Variants in EYS observed in about 807,000 individuals in gnomAD.
EYS encodes the protein protein eyes shut homolog.
A neutral mutation model predicts 282.1 loss-of-function variants in EYS; 250 were observed. That is an observed-to-expected ratio of 0.89 (90% CI 0.80 to 0.98). The LOEUF (loss-of-function observed/expected upper bound fraction) is 0.98. Among genes scored for constraint, EYS ranks in the 50% least tolerant of loss-of-function variants. The probability of loss-of-function intolerance (pLI) is 0.00; values close to 1 mark genes in which losing one functional copy is unlikely to be tolerated. For synonymous variants in EYS, 1,355 were observed against 1,282.9 expected, an observed-to-expected ratio of 1.06 and a Z score of -1.20; for missense variants, 4,016 against 3,709.0, an observed-to-expected ratio of 1.08 and a Z score of -2.15.
chr6:64,335,373 C>T (rs1020425274), intron 29 of EYS, among the ~76,000 whole-genome samples: 1 of 151,792 alleles, frequency 6.6e-6, no homozygotes, highest in Admixed American at 6.6e-5. Flanking sequence ...ACAGGCCCAG[C>T]GAGTTTCTGC....
At chr6:64,807,099 C>T (rs1764453672) in intron 22 of EYS, among the ~76,000 whole-genome samples, 1 of 152,056 alleles carries the variant, frequency 6.6e-6, no homozygotes, top group Admixed American at 6.6e-5. Context: ...TTTCTGAAAG[C>T]AGTCATTATT....
chr6:65,306,662 A>T (rs1769013088), intron 11 of EYS, among the ~76,000 whole-genome samples: 1 of 141,702 alleles, frequency 7.1e-6, no homozygotes. Flanking sequence ...ATGTAGGATA[A>T]AAAAAAAAAG....
intron 26 of EYS, among the ~76,000 whole-genome samples, chr6:64,466,430 A>T (rs1171432689): frequency 6.6e-6 from 1 of 152,188 alleles, no homozygotes; most frequent in Non-Finnish European, 1.5e-5. Context: ...TAAAAAAGGA[A>T]GAACCCCTGT....
chr6:64,376,292 AATTAGAGATGGTCTTCTAGGT>A (rs1772559457), intron 29 of EYS, among the ~76,000 whole-genome samples: 1 of 152,148 alleles, frequency 6.6e-6, no homozygotes, highest in South Asian at 2.1e-4. Flanking sequence ...TCCTGGGGGC[AATTAGAGATGGTCTTCTAGGT>A]AGAGACAAGA....
chr6:65,507,696 C>T (rs1766707392), intron 2 of EYS, among the ~76,000 whole-genome samples: 1 of 151,890 alleles, frequency 6.6e-6, no homozygotes, highest in Admixed American at 6.6e-5. Context: ...CTGATCTTTC[C>T]TTAGCTTTCT....
chr6:65,280,059 CTT>C (rs1234802266), intron 12 of EYS, among the ~76,000 whole-genome samples: 1 of 152,120 alleles, frequency 6.6e-6, no homozygotes, highest in East Asian at 1.9e-4. Context: ...TATAAAGTCA[CTT>C]AATAAAGTAC....
intron 9 of EYS, among the ~76,000 whole-genome samples, chr6:65,344,753 C>T (rs1554186024): frequency 6.6e-6 from 1 of 150,894 alleles, no homozygotes. Context: ...AAAAACCAAA[C>T]AAAAAAATGG....
At chr6:65,274,756 G>T (rs542716946) in intron 12 of EYS, among the ~76,000 whole-genome samples, 97 of 152,188 alleles carry the variant, frequency 6.4e-4, no homozygotes, top group African/African-American at 2.2e-3. Context: ...CAATTGGTAA[G>T]ACATTTACAT....
intron 35 of EYS, among the ~76,000 whole-genome samples, chr6:63,929,193 A>C (rs1764813050): frequency 6.6e-6 from 1 of 152,178 alleles, no homozygotes; most frequent in African/African-American, 2.4e-5. Context: ...TTCTAATCTG[A>C]TTTCCATGCA....
At chr6:65,610,374 T>G (rs1765954359) in intron 2 of EYS, among the ~76,000 whole-genome samples, 1 of 152,104 alleles carries the variant, frequency 6.6e-6, no homozygotes, top group Non-Finnish European at 1.5e-5. Flanking sequence ...TAGTCATTAA[T>G]TGCTAACAAT....
At chr6:63,930,760 G>C (rs1764866944) in intron 35 of EYS, among the ~76,000 whole-genome samples, 1 of 152,012 alleles carries the variant, frequency 6.6e-6, no homozygotes, top group African/African-American at 2.4e-5. Context: ...AATACTGCAG[G>C]AAAGTGGTGA....
intron 12 of EYS, among the ~76,000 whole-genome samples, chr6:65,233,897 C>T (rs1766853897): frequency 1.3e-5 from 2 of 152,064 alleles, no homozygotes; most frequent in South Asian, 2.1e-4. Flanking sequence ...ATGCCTTGAC[C>T]TGCTCAGATT....
intron 12 of EYS, among the ~76,000 whole-genome samples, chr6:65,224,030 G>T (rs1766548769): frequency 6.6e-6 from 1 of 152,142 alleles, no homozygotes; most frequent in Admixed American, 6.6e-5. Flanking sequence ...CAATGAAGTT[G>T]CTTGACAAGA....
chr6:64,699,912 ACC>A (rs2149923064), intron 22 of EYS, among the ~76,000 whole-genome samples: 1 of 152,060 alleles, frequency 6.6e-6, no homozygotes, highest in East Asian at 1.9e-4. Context: ...TAAACTACAT[ACC>A]CATATCTCTG....
At chr6:65,666,872 A>T (rs978800008) in intron 1 of EYS, among the ~76,000 whole-genome samples, 1 of 150,752 alleles carries the variant, frequency 6.6e-6, no homozygotes, top group Non-Finnish European at 1.5e-5. Flanking sequence ...TGAAAAATAC[A>T]TAAAAATAAT....
In EYS at chr6:63,720,588, G is replaced by A. The variant is rs887309852; in HGVS notation, c.*8C>T. On this transcript the variant is annotated 3_prime_UTR_variant, in exon 43 of 43. Transcript: ENST00000503581. ...TGTATAGTGTGTACTAAAATCTCTA[G>A]TGTTAACTTATGTAACCTCATTTTG... 2.8e-6 allele frequency: 4 copies of A among 1,453,824 alleles called. No individual in the cohort carries two copies. In the African/African-American group the frequency reaches 5.7e-5, roughly 21 times the overall value. The allele number at this position is 1,453,824 out of a possible 1,614,324, so 90.1% of individuals were successfully genotyped here.
At chr6:65,643,430 CGGTG>C (rs1376481547) in intron 1 of EYS, among the ~76,000 whole-genome samples, 1 of 152,162 alleles carries the variant, frequency 6.6e-6, no homozygotes, top group Non-Finnish European at 1.5e-5. Context: ...TGCTACCACC[CGGTG>C]GTCTTTCTCT....
chr6:65,289,303 C>T (rs1768456127), intron 12 of EYS, among the ~76,000 whole-genome samples: 3 of 150,878 alleles, frequency 2.0e-5, no homozygotes, highest in South Asian at 4.2e-4. Flanking sequence ...GGACCTCTAA[C>T]TCATTTATAT....
Position 64,316,910 on chromosome 6 carries a change from C to G in EYS, c.6079-9828G>C, listed in dbSNP as rs184959955. On this transcript the variant is annotated intron_variant, in intron 29 of 42. Transcript: ENST00000503581. ...AACAGAGACCTCAGAAATACCACCA[C>G]ACATCTACAACCATCTGATCTTTGA... Among the ~76,000 whole-genome samples the G allele has an allele frequency of 1.6e-3, 244 of 152,178 alleles. 1 individual carries two copies. The highest frequency in any genetic ancestry group is 5.5e-3 in the African/African-American group (227 of 41,510).
Sources: allele counts gnomAD v4.1 joint callset (sites outside exome capture counted in the v4.1 genomes callset), GRCh38; gene constraint gnomAD v4.1.1; transcripts MANE v1.5; gene names NCBI Gene and HGNC (gene_info 2026-07-23, HGNC 2026-07-21).